MRAP2: variants seen among roughly 807,000 people sequenced by gnomAD.
MRAP2 encodes the protein melanocortin-2 receptor accessory protein 2.
In MRAP2, 20 loss-of-function variants were observed where a neutral mutation model predicts 17.4. That is an observed-to-expected ratio of 1.15 (90% confidence interval 0.81 to 1.67). MRAP2 has a LOEUF of 1.67. Among genes scored for constraint, MRAP2 ranks in the 40% most tolerant of loss-of-function variants. The probability of loss-of-function intolerance (pLI) is 0.00; values close to 1 mark genes in which losing one functional copy is unlikely to be tolerated. For synonymous variants in MRAP2, 96 were observed against 88.4 expected (o/e 1.09, Z -0.48); for missense variants, 238 against 240.0 (o/e 0.99, Z 0.05).
chr6:84,078,921 G>A (rs976491810), intron 3 of MRAP2, among the ~76,000 whole-genome samples: 1 of 152,126 alleles, frequency 6.6e-6, no homozygotes, highest in African/African-American at 2.4e-5. Flanking sequence ...AACATGAAAC[G>A]GACTACAACA....
intron 3 of MRAP2, among the ~76,000 whole-genome samples, chr6:84,064,600 G>C (rs1013616218): frequency 2.0e-5 from 3 of 152,086 alleles, no homozygotes; most frequent in African/African-American, 7.2e-5. Context: ...CCATTCTCCT[G>C]CCTCAGCCTC....
chr6:84,098,484 C>T, the MRAP2 span, among the ~76,000 whole-genome samples: 5 of 151,998 alleles, frequency 3.3e-5, no homozygotes, highest in Non-Finnish European at 7.4e-5. Flanking sequence ...GTTTAAGTTC[C>T]TAGAAGAGGA....
the MRAP2 span, among the ~76,000 whole-genome samples, chr6:84,135,847 C>T: frequency 6.6e-6 from 1 of 152,240 alleles, no homozygotes; most frequent in South Asian, 2.1e-4. Flanking sequence ...TGGGCGACAA[C>T]AGTAAGACTG....
intron 3 of MRAP2, among the ~76,000 whole-genome samples, chr6:84,064,588 C>A (rs9449762): frequency 6.6e-6 from 1 of 151,976 alleles, no homozygotes; most frequent in Non-Finnish European, 1.5e-5. Context: ...CCCGGGTTCA[C>A]GCCATTCTCC....
chr6:84,089,742 G>A lies in MRAP2; in HGVS notation c.*261G>A. The stretch of plus-strand genomic sequence containing the variant: ...TTTACACCAAGCTTGTCCAACCCGT[G>A]GCATGTGTCCCAGGACAGCTTTGAA... On this transcript the variant is annotated 3_prime_UTR_variant, in exon 4 of 4. Coordinates refer to ENST00000257776, the MANE Select transcript of MRAP2 (RefSeq NM_138409.4). 1 of 421,490 alleles carries A rather than the reference G, an allele frequency of 2.4e-6. No individual in the cohort carries two copies. Among genetic ancestry groups the A allele is most frequent in the Non-Finnish European group, 4.2e-6 (1 of 238,848 alleles). The allele number at this position is 421,490 out of a possible 1,614,324, so 26.1% of individuals were successfully genotyped here.
intron 3 of MRAP2, 69 bp downstream of exon 3, chr6:84,063,061 C>A: frequency 1.2e-6 from 2 of 1,604,652 alleles, no homozygotes; most frequent in East Asian, 2.2e-5. Flanking sequence ...AACTACTACC[C>A]AGGGCCGGAG....
intron 1 of MRAP2, among the ~76,000 whole-genome samples, chr6:84,046,147 A>G (rs954251594): frequency 3.3e-5 from 5 of 152,244 alleles, no homozygotes; most frequent in Admixed American, 2.0e-4. Flanking sequence ...GTGAAATTAT[A>G]TCTTCTCTAC....
chr6:84,041,067 C>T (rs533862699), intron 1 of MRAP2, among the ~76,000 whole-genome samples: 1 of 152,182 alleles, frequency 6.6e-6, no homozygotes, highest in African/African-American at 2.4e-5. Flanking sequence ...GTTCAGGCCC[C>T]CCCTGCTGCG....
chr6:84,126,127 C>A, the MRAP2 span, among the ~76,000 whole-genome samples: 4 of 152,116 alleles, frequency 2.6e-5, no homozygotes, highest in East Asian at 7.7e-4. Flanking sequence ...TTTTAGGAAT[C>A]CATCAATAAT....
intron 1 of MRAP2, among the ~76,000 whole-genome samples, chr6:84,036,016 C>G (rs1340551632): frequency 6.6e-6 from 1 of 151,916 alleles, no homozygotes; most frequent in Non-Finnish European, 1.5e-5. Flanking sequence ...ATTGGAAGAA[C>G]AATATTCTTA....
chr6:84,116,975 T>A, the MRAP2 span, among the ~76,000 whole-genome samples: 2 of 151,982 alleles, frequency 1.3e-5, no homozygotes, highest in African/African-American at 4.8e-5. Context: ...TCTTCCCTTT[T>A]CTTCCCTTCT....
At chr6:84,056,567 G>A (rs1474216549) in intron 2 of MRAP2, among the ~76,000 whole-genome samples, 1 of 152,176 alleles carries the variant, frequency 6.6e-6, no homozygotes, top group Admixed American at 6.5e-5. Flanking sequence ...TGCTGTCATT[G>A]ATTATCTGAG....
chr6:84,035,273 A>G (rs150982669), intron 1 of MRAP2: 2 of 218,900 alleles, frequency 9.1e-6, no homozygotes, highest in Non-Finnish European at 1.5e-5. Context: ...ATGAGAGATG[A>G]GAATGGACCC....
chr6:84,134,719 T>C, the MRAP2 span, among the ~76,000 whole-genome samples: 3 of 152,134 alleles, frequency 2.0e-5, no homozygotes, highest in Non-Finnish European at 4.4e-5. Flanking sequence ...GGTACCTCAG[T>C]TGGAAATGTA....
intron 3 of MRAP2, among the ~76,000 whole-genome samples, chr6:84,083,287 T>C (rs917113651): frequency 6.6e-6 from 1 of 152,220 alleles, no homozygotes; most frequent in African/African-American, 2.4e-5. Flanking sequence ...CTTTTAACAA[T>C]TATACCTGGA....
the MRAP2 span, among the ~76,000 whole-genome samples, chr6:84,116,567 C>T: frequency 3.9e-5 from 6 of 152,182 alleles, no homozygotes; most frequent in South Asian, 6.2e-4. Context: ...TGTCTTATGC[C>T]GATTTTCAAG....
At chr6:84,040,868 G>A (rs1186423978) in intron 1 of MRAP2, among the ~76,000 whole-genome samples, 1 of 152,176 alleles carries the variant, frequency 6.6e-6, no homozygotes. Context: ...CAATGTGGTA[G>A]AAAAGAAAAA....
chr6:84,070,799 C>T (rs1187415901), intron 3 of MRAP2, among the ~76,000 whole-genome samples: 1 of 152,132 alleles, frequency 6.6e-6, no homozygotes, highest in African/African-American at 2.4e-5. Context: ...TTGGACAAGG[C>T]CTTTACCATT....
In MRAP2 at chr6:84,089,954, T is replaced by C. The variant is rs2497129; in HGVS notation, c.*473T>C. The C allele has an allele frequency of 0.2, 30,484 of 155,288 alleles. 6,237 individuals carry two copies. The highest frequency in any genetic ancestry group is 0.53 in the African/African-American group (21,776 of 41,426). 9.6% of individuals were successfully genotyped at this position (155,288 alleles called of 1,614,324 possible). On this transcript the variant is annotated 3_prime_UTR_variant, in exon 4 of 4. Transcript: ENST00000257776. ...ACACCTCTGATTTATACTAGCTCGT[T>C]TTGCTTGTTGAAAAATTTGGCCAAA...
Sources: allele counts gnomAD v4.1 joint callset (sites outside exome capture counted in the v4.1 genomes callset), GRCh38; gene constraint gnomAD v4.1.1; transcripts MANE v1.5; gene names NCBI Gene and HGNC (gene_info 2026-07-23, HGNC 2026-07-21).